ZFYVE9: variants seen among roughly 807,000 people sequenced by gnomAD.
ZFYVE9 encodes zinc finger FYVE domain-containing protein 9.
ZFYVE9 carries 43 observed loss-of-function variants against 126.7 expected under a neutral mutation model. The observed-to-expected ratio is 0.34, with a 90% CI of 0.27 to 0.44. The LOEUF (loss-of-function observed/expected upper bound fraction) is 0.44, where lower values mean the gene tolerates loss of function less well. Ranked by LOEUF, ZFYVE9 falls within the 20% of genes least tolerant of loss-of-function variation. The pLI is 1.00. For missense variants in ZFYVE9, 1,476 were observed against 1,697.0 expected, an observed-to-expected ratio of 0.87 and a Z score of 2.29; for synonymous variants, 521 against 597.4, an observed-to-expected ratio of 0.87 and a Z score of 1.87.
intron 1 of ZFYVE9, among the ~76,000 whole-genome samples, chr1:52,184,540 C>T (rs940662386): frequency 1.1e-4 from 15 of 131,118 alleles, no homozygotes; most frequent in Non-Finnish European, 2.0e-4. Context: ...GCCACCGCAT[C>T]TGGCCAGGAA....
intron 2 of ZFYVE9, among the ~76,000 whole-genome samples, chr1:52,225,952 CTCTCTAT>C (rs1234524253): frequency 2.0e-5 from 3 of 152,114 alleles, no homozygotes; most frequent in Admixed American, 2.0e-4. Flanking sequence ...AAAAACAGCT[CTCTCTAT>C]TGAGAGAGAC....
chr1:52,296,127 GTA>G (rs139945921), intron 12 of ZFYVE9, 150 bp downstream of exon 12: 6,378 of 488,860 alleles, frequency 0.013, no homozygotes, highest in East Asian at 0.019. Flanking sequence ...ATATGTATGT[GTA>G]TATATATATA....
Position 52,142,986 on chromosome 1 carries a change from C to T in ZFYVE9, c.-143+583C>T, listed in dbSNP as rs1033282127. On this transcript the variant is annotated intron_variant, in intron 1 of 18. Transcript: ENST00000287727. This position sits in a 1 kb window ranked among gnomAD's most constrained non-coding sequence, Gnocchi z 4.5. ...CTTATTTGAGGTGAAATTTCATCAC[C>T]TGCCGGTTGCTCATTCCTGCCTCTT... is the stretch of plus-strand genomic sequence containing the variant. Among the ~76,000 whole-genome samples the T allele has an allele frequency of 6.6e-6, 1 of 152,198 alleles. No individual in the cohort carries two copies. The highest frequency in any genetic ancestry group is 2.4e-5 in the African/African-American group (1 of 41,452).
At chr1:52,239,673 A>G in intron 4 of ZFYVE9, 78 bp downstream of exon 4, 1 of 1,479,632 alleles carries the variant, frequency 6.8e-7, no homozygotes, top group Non-Finnish European at 9.1e-7. Context: ...AAGGCAATGT[A>G]AGGTGAATAT....
At chr1:52,327,603 G>GA (rs762364474) in intron 13 of ZFYVE9, among the ~76,000 whole-genome samples, 32 of 144,268 alleles carry the variant, frequency 2.2e-4, no homozygotes, top group Admixed American at 3.5e-4. Context: ...ACTTGTCTCA[G>GA]AAAAAAAAAA....
At chr1:52,284,224 A>C (rs1645832227) in intron 10 of ZFYVE9, among the ~76,000 whole-genome samples, 1 of 152,130 alleles carries the variant, frequency 6.6e-6, no homozygotes, top group African/African-American at 2.4e-5. Context: ...TTATATGGGT[A>C]TGGATCCCAG....
At chr1:52,270,256 T>C (rs1645676078) in intron 7 of ZFYVE9, among the ~76,000 whole-genome samples, 1 of 152,096 alleles carries the variant, frequency 6.6e-6, no homozygotes, top group South Asian at 2.1e-4. Context: ...CTTTATAGCT[T>C]TAATTTTTTT....
chr1:52,224,932 T>C (rs1287811469), intron 2 of ZFYVE9, among the ~76,000 whole-genome samples: 1 of 152,196 alleles, frequency 6.6e-6, no homozygotes, highest in East Asian at 1.9e-4. Context: ...CCTTATTGGC[T>C]GCTTCCCTCG....
At chr1:52,270,364 C>T (rs529297166) in intron 7 of ZFYVE9, among the ~76,000 whole-genome samples, 13 of 152,168 alleles carry the variant, frequency 8.5e-5, no homozygotes, top group African/African-American at 1.4e-4. Flanking sequence ...CCCGGGTTCA[C>T]GCCATTCTCC....
intron 10 of ZFYVE9, among the ~76,000 whole-genome samples, chr1:52,288,094 A>C (rs1187931559): frequency 1.3e-5 from 2 of 152,146 alleles, no homozygotes; most frequent in African/African-American, 4.8e-5. Flanking sequence ...CCTTATGTAC[A>C]CTATTTTATT....
intron 1 of ZFYVE9, among the ~76,000 whole-genome samples, chr1:52,171,205 T>C (rs889196204): frequency 1.4e-5 from 2 of 147,534 alleles, no homozygotes; most frequent in African/African-American, 4.9e-5. Flanking sequence ...CCTGTGTCCA[T>C]GTGTTCTCAT....
chr1:52,146,031 A>ACACT (rs982936777), intron 1 of ZFYVE9, among the ~76,000 whole-genome samples: 28 of 150,766 alleles, frequency 1.9e-4, no homozygotes, highest in Middle Eastern at 3.4e-3. Flanking sequence ...AAATATCCAC[A>ACACT]CACACACACA....
At chr1:52,269,507 TA>T (rs769562864) in intron 7 of ZFYVE9, among the ~76,000 whole-genome samples, 12 of 152,330 alleles carry the variant, frequency 7.9e-5, no homozygotes, top group South Asian at 6.2e-4. Flanking sequence ...TGATAAGTAA[TA>T]TTTTTTTAGA....
chr1:52,325,054 C>T (rs929498751), intron 13 of ZFYVE9, among the ~76,000 whole-genome samples: 6 of 152,130 alleles, frequency 3.9e-5, no homozygotes, highest in East Asian at 1.9e-4. Flanking sequence ...CTGAGGCGGG[C>T]GGATCATGAG....
At chr1:52,187,634 G>A (rs1644777001) in intron 1 of ZFYVE9, among the ~76,000 whole-genome samples, 1 of 152,170 alleles carries the variant, frequency 6.6e-6, no homozygotes, top group Non-Finnish European at 1.5e-5. Context: ...CCATTAAAAA[G>A]TGGGCAAAGG....
intron 1 of ZFYVE9, among the ~76,000 whole-genome samples, chr1:52,153,402 T>A (rs1251802465): frequency 6.6e-6 from 1 of 152,216 alleles, no homozygotes; most frequent in Non-Finnish European, 1.5e-5. Flanking sequence ...GCCCTTGCCC[T>A]CAGCTATCAT....
chr1:52,256,204 A>G (rs904100459), intron 4 of ZFYVE9, among the ~76,000 whole-genome samples: 2 of 150,938 alleles, frequency 1.3e-5, no homozygotes, highest in Non-Finnish European at 2.9e-5. Context: ...TAGCTGAGAT[A>G]ACAGGCGTGT....
intron 4 of ZFYVE9, among the ~76,000 whole-genome samples, chr1:52,254,782 C>T (rs890545244): frequency 6.6e-6 from 1 of 152,000 alleles, no homozygotes; most frequent in Non-Finnish European, 1.5e-5. Flanking sequence ...GCCCAGGTAA[C>T]GCAGTGAGAC....
intron 2 of ZFYVE9, among the ~76,000 whole-genome samples, chr1:52,224,806 G>A (rs1012076959): frequency 8.6e-5 from 13 of 152,042 alleles, no homozygotes; most frequent in African/African-American, 1.2e-4. Flanking sequence ...CCATCCTGGC[G>A]GTTGGTGAGG....
Sources: allele counts gnomAD v4.1 joint callset (sites outside exome capture counted in the v4.1 genomes callset), GRCh38; gene constraint gnomAD v4.1.1; non-coding constraint Gnocchi (gnomAD v3.1); transcripts MANE v1.5; gene names NCBI Gene and HGNC (gene_info 2026-07-23, HGNC 2026-07-21).